The following NEDD4L variants were observed in gnomAD, a reference collection of about 807,000 sequenced individuals.
NEDD4L encodes E3 ubiquitin-protein ligase NEDD4-like.
NEDD4L carries 54 observed loss-of-function variants against 148.9 expected under a neutral mutation model. That is an observed-to-expected ratio of 0.36 (90% CI 0.29 to 0.45). NEDD4L has a LOEUF of 0.45. Ranked by LOEUF, NEDD4L falls within the 20% of genes least tolerant of loss-of-function variation. NEDD4L has a pLI of 1.00. For missense variants in NEDD4L, 856 were observed against 1,233.8 expected, an observed-to-expected ratio of 0.69 and a Z score of 4.59; for synonymous variants, 433 against 440.7, an observed-to-expected ratio of 0.98 and a Z score of 0.22.
chr18:58,315,934 G>A (rs200559702), intron 5 of NEDD4L, 48 bp from the exon 6 acceptor site: 8 of 1,453,910 alleles, frequency 5.5e-6, no homozygotes, highest in East Asian at 4.5e-5. Context: ...AAATGCTGAC[G>A]CTCAGTGAAG....
Position 58,044,959 on chromosome 18 carries a change from G to C in NEDD4L, c.48+251G>C, listed in dbSNP as rs74431300. 9.8e-3 allele frequency: 4,427 copies of C among 453,502 alleles called. 187 individuals carry two copies. The highest frequency in any genetic ancestry group is 0.081 in the African/African-American group (3,956 of 49,116). The allele number at this position is 453,502 out of a possible 1,614,324, so 28.1% of individuals were successfully genotyped here. ...CTTGGAGCTGGGGGTTCACTCCGCA[G>C]CTCCTCGCTTTCGGGAGGAGAGGGA... On this transcript the variant is annotated intron_variant, in intron 1 of 30. Transcript: ENST00000400345.
At chr18:58,359,473 G>A (rs1319052643) in intron 19 of NEDD4L, among the ~76,000 whole-genome samples, 1 of 152,078 alleles carries the variant, frequency 6.6e-6, no homozygotes, top group Non-Finnish European at 1.5e-5. Context: ...CATTTGCCAC[G>A]TCATTGTTGG....
chr18:58,330,248 C>G (rs994514393), intron 10 of NEDD4L, among the ~76,000 whole-genome samples: 8 of 152,184 alleles, frequency 5.3e-5, no homozygotes, highest in Admixed American at 5.2e-4. Context: ...TTATTTTATA[C>G]CATTGTTTAA....
intron 5 of NEDD4L, among the ~76,000 whole-genome samples, chr18:58,304,309 A>G (rs1235541146): frequency 6.6e-6 from 1 of 150,700 alleles, no homozygotes. Context: ...ACTTAAGCCC[A>G]GGACTTTGAG....
intron 1 of NEDD4L, among the ~76,000 whole-genome samples, chr18:58,069,098 T>C (rs911798962): frequency 1.5e-4 from 21 of 142,948 alleles, no homozygotes; most frequent in Admixed American, 6.0e-4. Context: ...ATCGTACCCC[T>C]GTGCTCCAGC....
At chr18:58,337,923 GCCCTCCCC>G (rs1269037833) in intron 13 of NEDD4L, among the ~76,000 whole-genome samples, 3 of 152,136 alleles carry the variant, frequency 2.0e-5, no homozygotes, top group Admixed American at 1.3e-4. Context: ...CTAAGCCAGG[GCCCTCCCC>G]ATGAGATAAA....
At chr18:58,322,261 C>G (rs987518617) in intron 6 of NEDD4L, among the ~76,000 whole-genome samples, 164 bp from the exon 7 acceptor site, 1 of 152,168 alleles carries the variant, frequency 6.6e-6, no homozygotes, top group African/African-American at 2.4e-5. Flanking sequence ...TAGTGGATCT[C>G]TAGTAGATCA....
intron 13 of NEDD4L, among the ~76,000 whole-genome samples, chr18:58,337,603 C>A (rs1485337225): frequency 6.6e-6 from 1 of 151,990 alleles, no homozygotes; most frequent in Non-Finnish European, 1.5e-5. Flanking sequence ...GTCATGTATA[C>A]ATTACTTAGC....
At position 58,383,257 on chromosome 18, in the gene NEDD4L, G is replaced by A; in HGVS notation, c.2364G>A (p.Val788=). 1 of 1,526,534 alleles carries A rather than the reference G, an allele frequency of 6.6e-7. No homozygotes were observed. The highest frequency in any genetic ancestry group is 8.9e-7 in the Non-Finnish European group (1 of 1,123,598). 94.6% of individuals were successfully genotyped at this position (1,526,534 alleles called of 1,614,324 possible). The change falls in exon 25 of 31, where the codon GTG becomes GTA. Residue 788 remains valine (V), a synonymous_variant. Transcript: ENST00000400345. ...CTTTGTAATTACAGACATATCAAGT[G>A]GATTTGAAGCCCAATGGGTCAGAAA... The part of the protein sequence containing the change: ...DEENFGQTYQ[V]DLKPNGSEIM...
At chr18:58,260,826 T>C (rs1421097205) in intron 5 of NEDD4L, among the ~76,000 whole-genome samples, 1 of 152,232 alleles carries the variant, frequency 6.6e-6, no homozygotes, top group Non-Finnish European at 1.5e-5. Flanking sequence ...GAGAGAAGGC[T>C]TCTTTGGGGA....
intron 1 of NEDD4L, among the ~76,000 whole-genome samples, chr18:58,124,003 A>T (rs530049176): frequency 1.1e-3 from 172 of 152,290 alleles, no homozygotes; most frequent in African/African-American, 3.7e-3. Context: ...GTTTCTCTTT[A>T]AAAATGTCCT....
intron 18 of NEDD4L, among the ~76,000 whole-genome samples, chr18:58,356,439 G>A (rs549015145): frequency 6.2e-4 from 95 of 152,080 alleles, no homozygotes; most frequent in African/African-American, 8.7e-4. Context: ...ACAGGAATCC[G>A]TAAGGTCTTT....
At chr18:58,189,229 C>T (rs1224937310) in intron 2 of NEDD4L, among the ~76,000 whole-genome samples, 1 of 152,128 alleles carries the variant, frequency 6.6e-6, no homozygotes, top group Non-Finnish European at 1.5e-5. Flanking sequence ...TGAAAGGCAG[C>T]AACAGGATCT....
At chr18:58,252,495 A>G (rs1280229788) in intron 5 of NEDD4L, among the ~76,000 whole-genome samples, 1 of 152,178 alleles carries the variant, frequency 6.6e-6, no homozygotes, top group Non-Finnish European at 1.5e-5. Context: ...CTAATTAACA[A>G]CGTATAGCAA....
At chr18:58,080,984 G>T (rs2083400899) in intron 1 of NEDD4L, among the ~76,000 whole-genome samples, 1 of 152,048 alleles carries the variant, frequency 6.6e-6, no homozygotes, top group Non-Finnish European at 1.5e-5. Context: ...CTCAGCATCG[G>T]AACTCCAGAA....
At chr18:58,343,667 T>C (rs11152066) in intron 16 of NEDD4L, among the ~76,000 whole-genome samples, 45,281 of 152,106 alleles carry the variant, frequency 0.3, 6,918 homozygotes, top group Middle Eastern at 0.39. Context: ...TTTGTCAAAA[T>C]TGATTTTTCT....
intron 5 of NEDD4L, among the ~76,000 whole-genome samples, chr18:58,272,981 A>T (rs1210386626): frequency 6.6e-6 from 1 of 152,224 alleles, no homozygotes; most frequent in East Asian, 1.9e-4. Context: ...ACTTGAAGAG[A>T]GGTAAGGAAA....
chr18:58,066,537 C>T (rs2082605875), intron 1 of NEDD4L, among the ~76,000 whole-genome samples: 1 of 151,920 alleles, frequency 6.6e-6, no homozygotes, highest in African/African-American at 2.4e-5. Context: ...CCAGGCTGGT[C>T]TTGAACGCCT....
intron 1 of NEDD4L, among the ~76,000 whole-genome samples, chr18:58,081,450 C>T (rs2083429929): frequency 6.6e-6 from 1 of 152,024 alleles, no homozygotes; most frequent in South Asian, 2.1e-4. Flanking sequence ...CTCCTGACCT[C>T]CTGATCCACC....
Sources: gnomAD v4.1 joint callset for allele counts (sites outside exome capture counted in the v4.1 genomes callset) on GRCh38, gnomAD v4.1.1 for gene constraint, MANE v1.5 for transcripts, NCBI Gene and HGNC (gene_info 2026-07-23, HGNC 2026-07-21) for gene names.